Variants in ST3GAL3 observed in about 807,000 individuals in gnomAD.
ST3GAL3 encodes the protein CMP-N-acetylneuraminate-beta-1,4-galactoside alpha-2,3-sialyltransferase.
ST3GAL3 carries 21 observed loss-of-function variants against 50.1 expected under a neutral mutation model. The ratio of observed to expected loss-of-function variants is 0.42; its 90% CI spans 0.30 to 0.60. The LOEUF (loss-of-function observed/expected upper bound fraction) is 0.60. Among genes scored for constraint, ST3GAL3 ranks in the 20% least tolerant of loss-of-function variants. ST3GAL3 has a pLI of 0.19. For synonymous variants in ST3GAL3, 183 were observed against 190.0 expected (o/e 0.96, Z 0.30); for missense variants, 353 against 489.4 (o/e 0.72, Z 2.63).
intron 1 of ST3GAL3, among the ~76,000 whole-genome samples, chr1:43,729,071 G>A (rs984429997): frequency 7.0e-6 from 1 of 142,934 alleles, no homozygotes; most frequent in Non-Finnish European, 1.5e-5. Context: ...TAAATTTTTT[G>A]TAGAGACAAT....
chr1:43,727,329 T>A (rs927251471), intron 1 of ST3GAL3: 2 of 152,070 alleles, frequency 1.3e-5, no homozygotes, highest in Non-Finnish European at 2.9e-5. Context: ...ACACTCCTGC[T>A]ATATGCTATA....
At chr1:43,749,126 C>G (rs926759875) in intron 2 of ST3GAL3, among the ~76,000 whole-genome samples, 1 of 152,088 alleles carries the variant, frequency 6.6e-6, no homozygotes, top group Non-Finnish European at 1.5e-5. Context: ...TCAATATACT[C>G]TGGTGCAATA....
At chr1:43,711,283 T>C (rs1391215723) in intron 1 of ST3GAL3, among the ~76,000 whole-genome samples, 1 of 152,230 alleles carries the variant, frequency 6.6e-6, no homozygotes, top group Non-Finnish European at 1.5e-5. Flanking sequence ...TCCATCTTAA[T>C]ATGGTACTGC....
chr1:43,851,679 C>A (rs1261155343), intron 5 of ST3GAL3: 27 of 1,331,816 alleles, frequency 2.0e-5, no homozygotes, highest in Middle Eastern at 1.9e-4. Context: ...AGCATCTTGT[C>A]ATGTGAGGAC....
chr1:43,879,398 C>T, intron 5 of ST3GAL3: 1 of 456,236 alleles, frequency 2.2e-6, no homozygotes, highest in South Asian at 1.5e-5. Context: ...TCATCCTGGC[C>T]TCCTCGAGAG....
intron 11 of ST3GAL3, among the ~76,000 whole-genome samples, chr1:43,926,368 C>T (rs1470624094): frequency 6.6e-6 from 1 of 152,194 alleles, no homozygotes; most frequent in East Asian, 1.9e-4. Flanking sequence ...GCGGATGGAT[C>T]ATCTGAGGTC....
chr1:43,810,755 C>G (rs1200495112), intron 3 of ST3GAL3, among the ~76,000 whole-genome samples: 2 of 152,186 alleles, frequency 1.3e-5, no homozygotes, highest in Admixed American at 1.3e-4. Flanking sequence ...AGCAGAGGGG[C>G]GAGGGGCGAA....
chr1:43,838,430 G>A, intron 5 of ST3GAL3, 119 bp downstream of exon 5: 2 of 963,294 alleles, frequency 2.1e-6, no homozygotes, highest in Non-Finnish European at 3.3e-6. Context: ...TGGGTTCCTG[G>A]AAAGGACTCT....
chr1:43,836,151 C>G (rs2064297396), intron 4 of ST3GAL3, among the ~76,000 whole-genome samples: 1 of 152,238 alleles, frequency 6.6e-6, no homozygotes, highest in Non-Finnish European at 1.5e-5. Context: ...CTGAAAACAT[C>G]TAGAACGTTT....
chr1:43,858,106 C>A, intron 5 of ST3GAL3: 1 of 1,289,196 alleles, frequency 7.8e-7, no homozygotes, highest in Non-Finnish European at 1.0e-6. Flanking sequence ...CTGAGCCTCA[C>A]CTTCCTCATC....
intron 5 of ST3GAL3, chr1:43,842,172 C>T (rs1004149971): frequency 6.6e-6 from 1 of 152,202 alleles, no homozygotes; most frequent in Non-Finnish European, 1.5e-5. Context: ...TTGGTTACAA[C>T]CATTTAACCA....
chr1:43,850,118 A>G (rs1477240626), intron 5 of ST3GAL3, among the ~76,000 whole-genome samples: 2 of 152,272 alleles, frequency 1.3e-5, no homozygotes, highest in African/African-American at 4.8e-5. Context: ...ATTAATAACA[A>G]TGAAACTTAA....
intron 2 of ST3GAL3, among the ~76,000 whole-genome samples, chr1:43,770,759 T>C (rs1694847521): frequency 6.6e-6 from 1 of 152,170 alleles, no homozygotes; most frequent in Non-Finnish European, 1.5e-5. Context: ...TTGCTTCTTA[T>C]TGCTTGGAAG....
intron 1 of ST3GAL3, among the ~76,000 whole-genome samples, chr1:43,715,640 A>G (rs1027225837): frequency 3.9e-5 from 6 of 151,932 alleles, no homozygotes; most frequent in African/African-American, 1.5e-4. Flanking sequence ...AAATTAAAAA[A>G]TTAGCCAAGC....
intron 2 of ST3GAL3, among the ~76,000 whole-genome samples, chr1:43,755,192 A>G (rs887616123): frequency 1.3e-5 from 2 of 152,214 alleles, no homozygotes; most frequent in African/African-American, 2.4e-5. Flanking sequence ...CCCCAGTAGA[A>G]AACAGGCAAA....
chr1:43,860,465 A>G (rs1416097425), intron 5 of ST3GAL3, among the ~76,000 whole-genome samples: 1 of 152,246 alleles, frequency 6.6e-6, no homozygotes, highest in African/African-American at 2.4e-5. Context: ...TATTGAGAGG[A>G]AACACAGGGT....
intron 2 of ST3GAL3, among the ~76,000 whole-genome samples, chr1:43,790,748 C>T (rs879865805): frequency 2.4e-4 from 37 of 151,636 alleles, no homozygotes; most frequent in Admixed American, 6.6e-4. Context: ...TCTCCTGCCT[C>T]AGCCTCCCAA....
chr1:43,727,054 CCTT>C (rs1320411630), intron 1 of ST3GAL3, among the ~76,000 whole-genome samples: 1 of 152,124 alleles, frequency 6.6e-6, no homozygotes, highest in African/African-American at 2.4e-5. Context: ...GCTTTCTCCC[CCTT>C]TATTAGATTC....
In ST3GAL3 at chr1:43,765,782, TGTGCGC is replaced by T. The variant is rs1322458080; in HGVS notation, c.119-26318_119-26313del. Among the ~76,000 whole-genome samples, 650 of 139,646 alleles carry T rather than the reference TGTGCGC, an allele frequency of 4.7e-3. 2 individuals carry two copies. Among genetic ancestry groups the T allele is most frequent in the African/African-American group, 0.018 (623 of 34,388 alleles). 91.6% of individuals were successfully genotyped at this position (139,646 alleles called of 152,430 possible). On this transcript the variant is annotated intron_variant, in intron 2 of 11. Coordinates refer to ENST00000347631, the MANE Select transcript of ST3GAL3 (RefSeq NM_006279.5). ...GTGTGTGTGTGTGTGTGTGTGTGTG[TGTGCGC>T]GCGCGCGCGCGCGTCCGCGCGTCCG...
Sources: gnomAD v4.1 joint callset for allele counts (sites outside exome capture counted in the v4.1 genomes callset) on GRCh38, gnomAD v4.1.1 for gene constraint, MANE v1.5 for transcripts, NCBI Gene and HGNC (gene_info 2026-07-23, HGNC 2026-07-21) for gene names.